The following CNTNAP5 variants were observed in gnomAD, a reference collection of about 807,000 sequenced individuals.
CNTNAP5 encodes contactin associated protein family member 5, also known as contactin-associated protein-like 5.
CNTNAP5 carries 72 observed loss-of-function variants against 150.2 expected under a neutral mutation model. The ratio of observed to expected loss-of-function variants is 0.48; its 90% CI spans 0.40 to 0.58. The LOEUF (loss-of-function observed/expected upper bound fraction) is 0.58. Among genes scored for constraint, CNTNAP5 ranks in the 20% least tolerant of loss-of-function variants. The pLI, the probability that CNTNAP5 is intolerant of heterozygous loss-of-function variation, is 0.00. For missense variants in CNTNAP5, 1,636 were observed against 1,626.2 expected (o/e 1.01, Z -0.10); for synonymous variants, 672 against 619.8 (o/e 1.08, Z -1.25).
At chr2:124,185,932 A>G (rs755683454) in intron 1 of CNTNAP5, among the ~76,000 whole-genome samples, 3 of 152,188 alleles carry the variant, frequency 2.0e-5, no homozygotes, top group Non-Finnish European at 4.4e-5. Context: ...ATATATTCAA[A>G]TATTTGTTTA....
chr2:124,619,209 A>T (rs2104994446), intron 12 of CNTNAP5, among the ~76,000 whole-genome samples: 1 of 152,280 alleles, frequency 6.6e-6, no homozygotes, highest in South Asian at 2.1e-4. Flanking sequence ...GTCGGTAGGG[A>T]AAGATGCATT....
intron 19 of CNTNAP5, among the ~76,000 whole-genome samples, chr2:124,859,405 A>G (rs963832162): frequency 6.6e-5 from 10 of 152,328 alleles, no homozygotes; most frequent in African/African-American, 2.4e-4. Context: ...AAAGTCAGGG[A>G]ACAACAGGTG....
At chr2:124,539,130 T>C (rs1361406467) in intron 10 of CNTNAP5, among the ~76,000 whole-genome samples, 2 of 152,184 alleles carry the variant, frequency 1.3e-5, no homozygotes, top group Non-Finnish European at 2.9e-5. Context: ...GTATAATATG[T>C]TTTCAGTTGG....
chr2:124,713,587 G>T (rs930207139), intron 13 of CNTNAP5, among the ~76,000 whole-genome samples: 4 of 151,706 alleles, frequency 2.6e-5, no homozygotes, highest in Admixed American at 2.6e-4. Flanking sequence ...TGTCGGCTAG[G>T]GTGGTCTTGA....
chr2:124,277,914 T>A (rs938975707), intron 3 of CNTNAP5, among the ~76,000 whole-genome samples: 1 of 152,082 alleles, frequency 6.6e-6, no homozygotes, highest in Non-Finnish European at 1.5e-5. Context: ...AGGAAACAGG[T>A]CATTCCATAA....
At chr2:124,845,177 T>C (rs906841115) in intron 19 of CNTNAP5, among the ~76,000 whole-genome samples, 1 of 152,112 alleles carries the variant, frequency 6.6e-6, no homozygotes, top group Admixed American at 6.6e-5. Context: ...GCTGAGGGTT[T>C]TAATCATAAA....
intron 13 of CNTNAP5, among the ~76,000 whole-genome samples, chr2:124,680,409 A>G (rs796506966): frequency 4.9e-4 from 75 of 151,972 alleles, no homozygotes; most frequent in African/African-American, 1.7e-3. Flanking sequence ...ATTGTCCCCA[A>G]CTGCATTCCT....
At chr2:124,205,406 G>GTTTTC (rs1384090129) in intron 1 of CNTNAP5, among the ~76,000 whole-genome samples, 7 of 150,126 alleles carry the variant, frequency 4.7e-5, no homozygotes, top group Non-Finnish European at 8.9e-5. Context: ...AATTAAAGTT[G>GTTTTC]TTTTCTTTTC....
At chr2:124,623,456 A>G (rs1378612944) in intron 12 of CNTNAP5, among the ~76,000 whole-genome samples, 6 of 152,214 alleles carry the variant, frequency 3.9e-5, no homozygotes, top group Admixed American at 3.9e-4. Context: ...AGTGCCCATA[A>G]TCACTACACC....
intron 2 of CNTNAP5, among the ~76,000 whole-genome samples, chr2:124,235,548 A>G (rs1223827735): frequency 1.3e-5 from 2 of 152,146 alleles, no homozygotes; most frequent in Non-Finnish European, 2.9e-5. Context: ...GGTGCTTCCT[A>G]TCCCACTGGG....
chr2:124,189,829 G>A (rs577863436), intron 1 of CNTNAP5, among the ~76,000 whole-genome samples: 1 of 152,238 alleles, frequency 6.6e-6, no homozygotes, highest in East Asian at 1.9e-4. Flanking sequence ...CATCTAAAGG[G>A]CATAGGGGAT....
chr2:124,088,398 G>C (rs1199837515), intron 1 of CNTNAP5, among the ~76,000 whole-genome samples: 1 of 151,896 alleles, frequency 6.6e-6, no homozygotes, highest in East Asian at 1.9e-4. Flanking sequence ...TATCATGGTT[G>C]TTTTTAAATT....
rs182398880 is a variant in CNTNAP5 at position 124,293,143 on chromosome 2, A to C, written c.381+50750A>C. On this transcript the variant is annotated intron_variant, in intron 3 of 23. Coordinates refer to ENST00000682447, the MANE Select transcript of CNTNAP5 (RefSeq NM_001367498.1). ...TGTGATTCAGCAAATAAATATTTTT[A>C]AAAATTTTTAAATTTTTTTATACTT... Among the ~76,000 whole-genome samples the C allele has an allele frequency of 1.6e-4, 24 of 150,760 alleles. 1 individual carries two copies. The highest frequency in any genetic ancestry group is 4.8e-4 in the African/African-American group (20 of 41,544).
chr2:124,566,033 A>G (rs930627614), intron 11 of CNTNAP5, among the ~76,000 whole-genome samples: 3 of 148,356 alleles, frequency 2.0e-5, no homozygotes. Context: ...ATGTGTTTTT[A>G]TCTAAGAGTC....
At chr2:124,095,632 G>T (rs2104690724) in intron 1 of CNTNAP5, among the ~76,000 whole-genome samples, 1 of 152,304 alleles carries the variant, frequency 6.6e-6, no homozygotes, top group African/African-American at 2.4e-5. Context: ...CCTGAAGCCT[G>T]TGTGACACTT....
intron 10 of CNTNAP5, among the ~76,000 whole-genome samples, chr2:124,528,329 C>G (rs1029181751): frequency 9.9e-5 from 15 of 152,098 alleles, no homozygotes; most frequent in African/African-American, 3.4e-4. Context: ...CACATGGCAG[C>G]AGCAACTTAG....
chr2:124,308,873 A>G (rs1298467998), intron 3 of CNTNAP5, among the ~76,000 whole-genome samples: 1 of 152,198 alleles, frequency 6.6e-6, no homozygotes, highest in Non-Finnish European at 1.5e-5. Flanking sequence ...CACTGGCTTC[A>G]AATTCCCACA....
chr2:124,454,037 T>C lies in CNTNAP5; in HGVS notation c.918+7100T>C, dbSNP rs190690598. 3.7e-4 allele frequency among the ~76,000 whole-genome samples: 57 copies of C among 152,248 alleles called. 1 individual carries two copies. In the East Asian group the frequency reaches 0.01, roughly 28 times the overall value. ...AACAAATAGCACGATGAATGAAATT[T>C]TACCTCACATCTCAAAACTAACATT... On this transcript the variant is annotated intron_variant, in intron 6 of 23. Coordinates refer to ENST00000682447, the MANE Select transcript of CNTNAP5 (RefSeq NM_001367498.1).
At chr2:124,787,048 G>A (rs1303377253) in intron 17 of CNTNAP5, among the ~76,000 whole-genome samples, 1 of 151,874 alleles carries the variant, frequency 6.6e-6, no homozygotes, top group Non-Finnish European at 1.5e-5. Flanking sequence ...AAACCTTAAG[G>A]AGTGCATTTT....
Sources: gnomAD v4.1 joint callset for allele counts (sites outside exome capture counted in the v4.1 genomes callset) on GRCh38, gnomAD v4.1.1 for gene constraint, MANE v1.5 for transcripts, NCBI Gene and HGNC (gene_info 2026-07-23, HGNC 2026-07-21) for gene names.